The following DLG5 variants were observed in gnomAD, a reference collection of about 807,000 sequenced individuals.
The protein encoded by DLG5 is discs large MAGUK scaffold protein 5.
A neutral mutation model predicts 189.8 loss-of-function variants in DLG5; 48 were observed. The ratio of observed to expected loss-of-function variants is 0.25; its 90% confidence interval spans 0.20 to 0.32. The LOEUF (loss-of-function observed/expected upper bound fraction) is 0.32, where lower values mean the gene tolerates loss of function less well. Among genes scored for constraint, DLG5 ranks in the 10% least tolerant of loss-of-function variants. The pLI is 1.00. For missense variants in DLG5, 2,160 were observed against 2,544.7 expected (o/e 0.85, Z 3.25); for synonymous variants, 1,016 against 1,054.1 (o/e 0.96, Z 0.70).
chr10:77,820,971 C>T, intron 15 of DLG5, 111 bp downstream of exon 15: 1 of 1,418,906 alleles, frequency 7.0e-7, no homozygotes, highest in Non-Finnish European at 9.4e-7. Context: ...GGCAAAGGCA[C>T]CAGGCTAAAC....
intron 27 of DLG5, among the ~76,000 whole-genome samples, chr10:77,803,355 CTGTA>C (rs1038339123): frequency 1.3e-5 from 2 of 152,168 alleles, no homozygotes; most frequent in Non-Finnish European, 2.9e-5. Flanking sequence ...GTGTGCATTG[CTGTA>C]TGTATGTTAC....
chr10:77,931,117 G>A (rs1297237434), upstream of DLG5, among the ~76,000 whole-genome samples: 2 of 151,858 alleles, frequency 1.3e-5, no homozygotes, highest in African/African-American at 4.8e-5. Context: ...ACCACACCTG[G>A]CCTTAATTTT....
intron 5 of DLG5, 103 bp downstream of exon 5, chr10:77,853,251 A>G (rs1454149060): frequency 1.7e-6 from 2 of 1,144,330 alleles, no homozygotes; most frequent in Non-Finnish European, 2.3e-6. Context: ...CACAGATGTG[A>G]GCCAACGTGC....
chr10:77,923,955 C>T (rs1372568201), intron 1 of DLG5, among the ~76,000 whole-genome samples: 4 of 152,142 alleles, frequency 2.6e-5, no homozygotes, highest in African/African-American at 4.8e-5. Context: ...ACCTCCACTT[C>T]CCAGATTCAA....
chr10:77,928,693 A>G (rs1846758574), upstream of DLG5: 1 of 152,266 alleles, frequency 6.6e-6, no homozygotes, highest in Non-Finnish European at 1.5e-5. Context: ...AGGAAGGGGA[A>G]AAGAGGAAAA....
intron 11 of DLG5, 33 bp downstream of exon 11, chr10:77,830,184 C>T (rs759425753): frequency 1.2e-6 from 2 of 1,613,148 alleles, no homozygotes; most frequent in Non-Finnish European, 1.7e-6. Context: ...AAGGGCCCCA[C>T]CTTGCCTCCA....
chr10:77,878,646 C>T (rs1845179324), intron 1 of DLG5, among the ~76,000 whole-genome samples: 1 of 152,190 alleles, frequency 6.6e-6, no homozygotes, highest in East Asian at 1.9e-4. Flanking sequence ...ATGAGTGTCG[C>T]CTCTCAATAC....
At position 77,843,587 on chromosome 10, in the gene DLG5, G is replaced by A. The variant is rs367819703; in HGVS notation, c.984C>T (p.Val328=). Residue 328 remains valine (V), a synonymous_variant, in exon 6 of 32, where the codon GTC becomes GTT. Coordinates refer to ENST00000372391, the MANE Select transcript of DLG5 (RefSeq NM_004747.4). ...GGCTCAGGTCTGCATTGTGGATGGC[G>A]ACTTTCTCACTGTACCTCTTCCGAA... ...DALRKRYSEK[V]AIHNADLSRL... is the part of the protein sequence containing the mutation. The A allele has an allele frequency of 2.0e-5, 32 of 1,613,878 alleles. No individual in the cohort carries two copies. In the African/African-American group the frequency reaches 2.9e-4, roughly 15 times the overall value.
At chr10:77,916,563 A>T (rs1307704079) in intron 1 of DLG5, among the ~76,000 whole-genome samples, 1 of 152,012 alleles carries the variant, frequency 6.6e-6, no homozygotes, top group Non-Finnish European at 1.5e-5. Flanking sequence ...AAATGCTGGG[A>T]TTACAGGCAT....
At chr10:77,802,940 A>T (rs1304379909) in intron 27 of DLG5, among the ~76,000 whole-genome samples, 1 of 152,180 alleles carries the variant, frequency 6.6e-6, no homozygotes, top group East Asian at 1.9e-4. Flanking sequence ...GAATAGTATC[A>T]AAGTTAGAAA....
chr10:77,815,900 C>T (rs534676750), intron 20 of DLG5: 12 of 361,420 alleles, frequency 3.3e-5, no homozygotes, highest in Admixed American at 1.1e-4. Context: ...GTGCACAGTG[C>T]GCGGGGGTGA....
intron 5 of DLG5, among the ~76,000 whole-genome samples, chr10:77,844,372 C>T (rs1843579877): frequency 6.6e-6 from 1 of 152,212 alleles, no homozygotes; most frequent in African/African-American, 2.4e-5. Context: ...GCCTTTCCCC[C>T]TTTGCCGACT....
chr10:77,863,342 T>C (rs1298414056), intron 2 of DLG5, among the ~76,000 whole-genome samples: 1 of 152,152 alleles, frequency 6.6e-6, no homozygotes, highest in East Asian at 1.9e-4. Flanking sequence ...CAAGCAATCC[T>C]TCTGCCTTGG....
At position 77,803,274 on chromosome 10, in the gene DLG5, C is replaced by T. The variant is rs1304540486; in HGVS notation, c.5164+2391G>A. Among the ~76,000 whole-genome samples, 6 of 152,244 alleles carry T rather than the reference C, an allele frequency of 3.9e-5. No individual in the cohort carries two copies. In the South Asian group the frequency reaches 6.2e-4, roughly 16 times the overall value. ...AATGAGGTAAATACTCTTGATGAAA[C>T]AATCAAGACTGCCACAGGGGTGTTC... On this transcript the variant is annotated intron_variant, in intron 27 of 31. Transcript: ENST00000372391.
chr10:77,866,281 C>G (rs1844680158), intron 2 of DLG5, among the ~76,000 whole-genome samples: 1 of 152,228 alleles, frequency 6.6e-6, no homozygotes, highest in Non-Finnish European at 1.5e-5. Context: ...TTGGGCCAGC[C>G]CATCTCAAAC....
chr10:77,907,087 C>G (rs1308189265), intron 1 of DLG5, among the ~76,000 whole-genome samples: 1 of 152,186 alleles, frequency 6.6e-6, no homozygotes, highest in Non-Finnish European at 1.5e-5. Context: ...GGTTGCTAAA[C>G]ACTCAATCTC....
In DLG5 at chr10:77,816,553, G is replaced by C. The variant is rs767452590; in HGVS notation, c.4023C>G (p.Asp1341Glu). The C allele has an allele frequency of 6.2e-7, 1 of 1,614,052 alleles. No homozygotes were observed. The highest frequency in any genetic ancestry group is 8.5e-7 in the Non-Finnish European group (1 of 1,179,968). The change falls in exon 20 of 32, where the codon GAC becomes GAG. Residue 1341 changes from aspartate (D) to glutamate (E), a missense_variant and splice_region_variant. This residue lies in a region of DLG5 where 754 missense variants were observed against 746.5 expected (regional missense o/e 1.01). Coordinates refer to ENST00000372391, the MANE Select transcript of DLG5 (RefSeq NM_004747.4). The stretch of plus-strand genomic sequence containing the variant: ...CACCGATGACCGGCCATGCTCACCT[G>C]TCCTTTCTCCGCTCCCCGAGGGACG... ...NPASLGERRK[D>E]RPYVEEPRHV... is the part of the protein sequence containing the mutation.
chr10:77,932,959 A>T, the DLG5 span, among the ~76,000 whole-genome samples: 176 of 152,352 alleles, frequency 1.2e-3, no homozygotes, highest in Non-Finnish European at 2.2e-3. Flanking sequence ...TGGGTAATAA[A>T]AAAGAAAAAA....
intron 11 of DLG5, among the ~76,000 whole-genome samples, 187 bp downstream of exon 11, chr10:77,830,030 G>C (rs1476815590): frequency 6.6e-6 from 1 of 152,206 alleles, no homozygotes; most frequent in Non-Finnish European, 1.5e-5. Context: ...ATCAGATTCA[G>C]AGGCAACTGA....
Sources: allele counts gnomAD v4.1 joint callset (sites outside exome capture counted in the v4.1 genomes callset), GRCh38; gene constraint gnomAD v4.1.1; regional missense constraint gnomAD v4.1.1; transcripts MANE v1.5; gene names NCBI Gene and HGNC (gene_info 2026-07-23, HGNC 2026-07-21).